Variants in PACSIN1 observed in about 807,000 individuals in gnomAD.
PACSIN1 encodes protein kinase C and casein kinase substrate in neurons protein 1.
In PACSIN1, 15 loss-of-function variants were observed where a neutral mutation model predicts 59.5. The observed-to-expected ratio is 0.25, with a 90% CI of 0.17 to 0.39. The LOEUF (loss-of-function observed/expected upper bound fraction) is 0.39. Ranked by LOEUF, PACSIN1 falls within the 10% of genes least tolerant of loss-of-function variation. The pLI is 1.00. For missense variants in PACSIN1, 420 were observed against 580.2 expected (o/e 0.72, Z 2.84); for synonymous variants, 210 against 220.6 (o/e 0.95, Z 0.42).
chr6:34,470,683 T>C (rs557481250), intron 1 of PACSIN1, among the ~76,000 whole-genome samples: 15 of 152,170 alleles, frequency 9.9e-5, no homozygotes, highest in Middle Eastern at 6.8e-3. Context: ...TCAATTTTAT[T>C]GTAGAGATGG....
chr6:34,473,711 T>G (rs1766602667), intron 1 of PACSIN1, among the ~76,000 whole-genome samples: 1 of 152,202 alleles, frequency 6.6e-6, no homozygotes, highest in African/African-American at 2.4e-5. Context: ...TCTTCTGTCT[T>G]TTATTTGCAA....
chr6:34,470,103 T>C (rs1766550483), intron 1 of PACSIN1, among the ~76,000 whole-genome samples: 1 of 152,128 alleles, frequency 6.6e-6, no homozygotes, highest in Non-Finnish European at 1.5e-5. Context: ...GGGTGCTGTC[T>C]CTGAAGACCT....
rs901619393 is a variant in PACSIN1 at position 34,532,329 on chromosome 6, G to A, written c.1226-92G>A. ...AATCTAAAACCCAGTGCAGTAATCA[G>A]GAGGTGGGTATTGGAGGGTTCCCCT... On this transcript the variant is annotated intron_variant, in intron 9 of 9. Coordinates refer to ENST00000244458, the MANE Select transcript of PACSIN1 (RefSeq NM_020804.5). The surrounding 1 kb of genome is among the most constrained non-coding windows in gnomAD (Gnocchi z 5.2). 3 of 803,550 alleles carry A rather than the reference G, an allele frequency of 3.7e-6. No homozygotes were observed. Among genetic ancestry groups the A allele is most frequent in the Middle Eastern group, 6.4e-4 (2 of 3,134 alleles). The allele number at this position is 803,550 out of a possible 1,614,324, so 49.8% of individuals were successfully genotyped here.
chr6:34,482,895 C>G (rs1464157029), intron 1 of PACSIN1, among the ~76,000 whole-genome samples: 2 of 151,764 alleles, frequency 1.3e-5, no homozygotes, highest in Non-Finnish European at 2.9e-5. Context: ...CCATGTTGGC[C>G]AGGCTGGTCT....
chr6:34,476,908 C>A (rs116535263), intron 1 of PACSIN1, among the ~76,000 whole-genome samples: 1,684 of 152,290 alleles, frequency 0.011, 14 homozygotes, highest in African/African-American at 0.026. Context: ...GGAGAGGGCA[C>A]CCCCCAGGAC....
At position 34,532,379 on chromosome 6, in the gene PACSIN1, G is replaced by A. The variant is rs1371669432; in HGVS notation, c.1226-42G>A. The A allele has an allele frequency of 7.4e-7, 1 of 1,353,658 alleles. No individual in the cohort carries two copies. The highest frequency in any genetic ancestry group is 1.0e-6 in the Non-Finnish European group (1 of 967,266). The allele number at this position is 1,353,658 out of a possible 1,614,324, so 83.9% of individuals were successfully genotyped here. On this transcript the variant is annotated intron_variant, in intron 9 of 9. Transcript: ENST00000244458. This position sits in a 1 kb window ranked among gnomAD's most constrained non-coding sequence, Gnocchi z 5.2. The stretch of plus-strand genomic sequence containing the variant: ...TAGCAGCCGGTGCGTTGAGGGAGGG[G>A]CAGCCTTCTCTCTGAGCCCCTCCCT...
chr6:34,531,714 C>T lies in PACSIN1; in HGVS notation c.1152C>T (p.Asp384=). Residue 384 remains aspartate (D), a synonymous_variant, in exon 9 of 10, where the codon GAC becomes GAT. Transcript: ENST00000244458. The surrounding 1 kb of genome is among the most constrained non-coding windows in gnomAD (Gnocchi z 4.4). ...GGGGCGCCAACCCCTTTGAGGACGACTCCAAGGGAGTGCGCGTGCGGGCAC... is the reference window on the plus strand; with the variant it reads ...GGGGCGCCAACCCCTTTGAGGACGATTCCAAGGGAGTGCGCGTGCGGGCAC... ...TNGGANPFED[D]SKGVRVRALY... The T allele has an allele frequency of 6.2e-7, 1 of 1,611,064 alleles. No individual in the cohort carries two copies. The highest frequency in any genetic ancestry group is 8.5e-7 in the Non-Finnish European group (1 of 1,178,528).
At chr6:34,489,794 A>C (rs551494937) in intron 1 of PACSIN1, among the ~76,000 whole-genome samples, 1 of 152,306 alleles carries the variant, frequency 6.6e-6, no homozygotes, top group Admixed American at 6.5e-5. Flanking sequence ...TGTGGACCCT[A>C]TGTCTGACAG....
Position 34,521,064 on chromosome 6 carries a change from T to G in PACSIN1, c.-63-5179T>G, listed in dbSNP as rs924127032. On this transcript the variant is annotated intron_variant, in intron 1 of 9. Transcript: ENST00000244458. The surrounding 1 kb of genome is among the most constrained non-coding windows in gnomAD (Gnocchi z 4.3). ...ACAAAAGTGCACTGCGCACTTACTATGTTGCCGGCACTGCACTGGATGCTG... is the reference window on the plus strand; with the variant it reads ...ACAAAAGTGCACTGCGCACTTACTAGGTTGCCGGCACTGCACTGGATGCTG... 6.6e-6 allele frequency among the ~76,000 whole-genome samples: 1 copy of G among 152,230 alleles called. No individual in the cohort carries two copies. The highest frequency in any genetic ancestry group is 1.5e-5 in the Non-Finnish European group (1 of 68,048).
rs551913794 is a variant in PACSIN1, at chr6:34,469,364, A to G, written c.-64+3094A>G. On this transcript the variant is annotated intron_variant, in intron 1 of 9. Transcript: ENST00000244458. ...ACCCACCCACCATGGGCACTTCGTA[A>G]CTGATTTCCAGCCAGGGGCAGGATG... 2.8e-3 allele frequency among the ~76,000 whole-genome samples: 429 copies of G among 152,274 alleles called. 4 individuals carry two copies. The highest frequency in any genetic ancestry group is 9.8e-3 in the African/African-American group (406 of 41,558).
intron 1 of PACSIN1, among the ~76,000 whole-genome samples, chr6:34,517,244 G>A (rs931860697): frequency 2.6e-5 from 4 of 151,984 alleles, no homozygotes; most frequent in Non-Finnish European, 4.4e-5. Flanking sequence ...GCCTCTTCCC[G>A]CTCCTTCTAA....
intron 2 of PACSIN1, among the ~76,000 whole-genome samples, chr6:34,526,839 G>C (rs1767494011): frequency 6.6e-6 from 1 of 151,996 alleles, no homozygotes; most frequent in Non-Finnish European, 1.5e-5. Flanking sequence ...GAGACCTGGA[G>C]AAAAAAAATT....
chr6:34,510,330 T>C (rs1321742679), intron 1 of PACSIN1, among the ~76,000 whole-genome samples: 1 of 152,228 alleles, frequency 6.6e-6, no homozygotes, highest in South Asian at 2.1e-4. Context: ...AAAATACCAA[T>C]GGCTTCCCTT....
At chr6:34,496,754 G>A (rs1312494476) in intron 1 of PACSIN1, among the ~76,000 whole-genome samples, 1 of 152,076 alleles carries the variant, frequency 6.6e-6, no homozygotes, top group Non-Finnish European at 1.5e-5. Context: ...TGGATTCCAG[G>A]ACTCCAGCCT....
At chr6:34,493,564 C>T (rs9380441) in intron 1 of PACSIN1, among the ~76,000 whole-genome samples, 58,394 of 152,158 alleles carry the variant, frequency 0.38, 12,984 homozygotes, top group Middle Eastern at 0.52. Context: ...GCATCCTCGC[C>T]AACACTTGAT....
At chr6:34,501,183 G>T (rs761798344) in intron 1 of PACSIN1, among the ~76,000 whole-genome samples, 48 of 152,324 alleles carry the variant, frequency 3.2e-4, no homozygotes, top group Admixed American at 2.1e-3. Context: ...CTGCACTCCA[G>T]CCTGGGTGCC....
intron 1 of PACSIN1, among the ~76,000 whole-genome samples, chr6:34,505,121 A>T (rs778995443): frequency 3.3e-5 from 5 of 152,058 alleles, no homozygotes; most frequent in Non-Finnish European, 7.4e-5. Flanking sequence ...CAGCCTCCCA[A>T]ATAGTCAGGA....
chr6:34,522,235 G>C (rs529617580), intron 1 of PACSIN1, among the ~76,000 whole-genome samples: 13 of 152,346 alleles, frequency 8.5e-5, no homozygotes, highest in African/African-American at 2.9e-4. Flanking sequence ...TTCAATACCA[G>C]CTCCGCTGTT....
Position 34,527,382 on chromosome 6 carries a change from A to T in PACSIN1, c.114A>T (p.Leu38=), listed in dbSNP as rs138857560. ...AGCGCATCGATGACGGCCACCGTCTATGCAACGACCTGATGAACTGCGTGC... is the reference window on the plus strand; with the variant it reads ...AGCGCATCGATGACGGCCACCGTCTTTGCAACGACCTGATGAACTGCGTGC... ...TVKRIDDGHR[L]CNDLMNCVQE... The change falls in exon 3 of 10, where the codon CTA becomes CTT. Residue 38 remains leucine (L), a synonymous_variant. Transcript: ENST00000244458. 1.2e-6 allele frequency: 2 copies of T among 1,600,826 alleles called. No individual in the cohort carries two copies. The highest frequency in any genetic ancestry group is 1.7e-6 in the Non-Finnish European group (2 of 1,174,928).
Sources: gnomAD v4.1 joint callset for allele counts (sites outside exome capture counted in the v4.1 genomes callset) on GRCh38, gnomAD v4.1.1 for gene constraint, Gnocchi (gnomAD v3.1) non-coding constraint, MANE v1.5 for transcripts, NCBI Gene and HGNC (gene_info 2026-07-23, HGNC 2026-07-21) for gene names.